Variants in FOXP2 observed in about 807,000 individuals in gnomAD.
FOXP2 encodes forkhead box P2.
In FOXP2, 12 loss-of-function variants were observed where a neutral mutation model predicts 115.8. That is an observed-to-expected ratio of 0.10 (90% CI 0.07 to 0.17). The LOEUF (loss-of-function observed/expected upper bound fraction) is 0.17, where lower values mean the gene tolerates loss of function less well. FOXP2 is among the 10% of genes least tolerant of loss of function. The probability of loss-of-function intolerance (pLI) is 1.00; values close to 1 mark genes in which losing one functional copy is unlikely to be tolerated. For missense variants in FOXP2, 629 were observed against 843.5 expected (o/e 0.75, Z 3.15); for synonymous variants, 328 against 297.7 (o/e 1.10, Z -1.05).
At chr7:114,460,539 A>C (rs1795519456) in intron 2 of FOXP2, among the ~76,000 whole-genome samples, 1 of 152,238 alleles carries the variant, frequency 6.6e-6, no homozygotes, top group Admixed American at 6.5e-5. Context: ...GAATGTTGAC[A>C]GGGATTCATG....
intron 3 of FOXP2, among the ~76,000 whole-genome samples, chr7:114,607,962 T>C (rs1250004561): frequency 6.6e-6 from 1 of 152,202 alleles, no homozygotes; most frequent in African/African-American, 2.4e-5. Flanking sequence ...TTCCTATAAA[T>C]CAGGTGGGCA....
At chr7:114,323,364 GT>G (rs1197268626) in intron 2 of FOXP2, among the ~76,000 whole-genome samples, 3 of 152,080 alleles carry the variant, frequency 2.0e-5, no homozygotes, top group Non-Finnish European at 4.4e-5. Context: ...TTTCTCATTG[GT>G]TTTATGCAAA....
chr7:114,673,071 C>T (rs547828348), intron 16 of FOXP2, among the ~76,000 whole-genome samples: 6 of 152,156 alleles, frequency 3.9e-5, no homozygotes, highest in South Asian at 2.1e-4. Flanking sequence ...GATTTTTGAC[C>T]GAAACTTGGT....
In FOXP2 at chr7:114,363,997, C is replaced by T. The variant is rs1297542517; in HGVS notation, c.-10-62505C>T. On this transcript the variant is annotated intron_variant, in intron 2 of 17. Coordinates refer to the FOXP2 transcript ENST00000634411. ...AAGTCCTTCTTTTTAAGAGGAATTT[C>T]ATTTTAAAGTTGACTTAAATCAACT... Among the ~76,000 whole-genome samples, 3 of 152,076 alleles carry T rather than the reference C, an allele frequency of 2.0e-5. No homozygotes were observed. In the East Asian group the frequency reaches 5.8e-4, roughly 29 times the overall value.
chr7:114,311,328 G>A (rs769416501), intron 2 of FOXP2, among the ~76,000 whole-genome samples: 11 of 152,108 alleles, frequency 7.2e-5, no homozygotes, highest in African/African-American at 2.4e-4. Flanking sequence ...TTCCATAACT[G>A]TTTCCTGCTG....
chr7:114,603,246 A>G (rs1395792710), intron 3 of FOXP2, among the ~76,000 whole-genome samples: 1 of 152,198 alleles, frequency 6.6e-6, no homozygotes, highest in Non-Finnish European at 1.5e-5. Context: ...ACCCACTATC[A>G]TAAAACCAAA....
In FOXP2 at chr7:114,238,781, C is replaced by A. The variant is rs561867394; in HGVS notation, c.-101-49238C>A. The stretch of plus-strand genomic sequence containing the variant: ...AGCTAGACTCTATCTGGGAAAAAAA[C>A]CAAAAAAACAAAAAACAAACTACAG... On this transcript the variant is annotated intron_variant, in intron 1 of 17. Coordinates refer to the FOXP2 transcript ENST00000634411. 6.7e-3 allele frequency among the ~76,000 whole-genome samples: 966 copies of A among 143,348 alleles called. 13 individuals carry two copies. Among genetic ancestry groups the A allele is most frequent in the African/African-American group, 0.023 (926 of 40,506 alleles). The allele number at this position is 143,348 out of a possible 152,430, so 94.0% of individuals were successfully genotyped here.
At chr7:114,611,857 C>T (rs116903697) in intron 3 of FOXP2, among the ~76,000 whole-genome samples, 180 of 152,040 alleles carry the variant, frequency 1.2e-3, no homozygotes, top group Admixed American at 1.9e-3. Flanking sequence ...ATGCTGCCTT[C>T]ATGGGTAAAG....
At chr7:114,585,669 A>G (rs1802097526) in intron 3 of FOXP2, among the ~76,000 whole-genome samples, 1 of 151,960 alleles carries the variant, frequency 6.6e-6, no homozygotes, top group Non-Finnish European at 1.5e-5. Context: ...GTTAAAGACC[A>G]GCCTGGCCAA....
chr7:114,622,567 T>C (rs1804311676), intron 3 of FOXP2, among the ~76,000 whole-genome samples: 1 of 151,934 alleles, frequency 6.6e-6, no homozygotes, highest in African/African-American at 2.4e-5. Context: ...TTTCTGACTC[T>C]TTGTTTTGGA....
intron 3 of FOXP2, among the ~76,000 whole-genome samples, chr7:114,578,071 TG>T (rs1402662907): frequency 6.6e-6 from 1 of 152,026 alleles, no homozygotes; most frequent in East Asian, 1.9e-4. Flanking sequence ...GAACATTTTC[TG>T]GTGCATAGAT....
intron 3 of FOXP2, among the ~76,000 whole-genome samples, chr7:114,541,751 G>A (rs968055585): frequency 6.6e-6 from 1 of 150,944 alleles, no homozygotes; most frequent in East Asian, 1.9e-4. Flanking sequence ...TTGCTATCTA[G>A]GAGGCCAAAT....
At chr7:114,160,405 T>G (rs1364971673), upstream of FOXP2, among the ~76,000 whole-genome samples, 1 of 152,112 alleles carries the variant, frequency 6.6e-6, no homozygotes, top group Non-Finnish European at 1.5e-5. Flanking sequence ...ATGACTAGTT[T>G]TAGTTGACAA....
chr7:114,088,375 G>C (rs1799469736), intron 1 of FOXP2: 1 of 152,236 alleles, frequency 6.6e-6, no homozygotes, highest in Non-Finnish European at 1.5e-5. Context: ...TGCTTAAAGA[G>C]CTACCTCCCA....
At chr7:114,398,274 C>T (rs2129195910) in intron 2 of FOXP2, among the ~76,000 whole-genome samples, 1 of 151,612 alleles carries the variant, frequency 6.6e-6, no homozygotes, top group South Asian at 2.1e-4. Context: ...TAAAATATAA[C>T]CAAAATTATG....
At chr7:114,137,963 C>A (rs1792087563) in intron 1 of FOXP2, among the ~76,000 whole-genome samples, 2 of 152,008 alleles carry the variant, frequency 1.3e-5, no homozygotes, top group African/African-American at 4.8e-5. Flanking sequence ...AACAGGGATC[C>A]TTAGAGAAAT....
upstream of FOXP2, among the ~76,000 whole-genome samples, chr7:114,086,915 T>C (rs1417602919): frequency 6.6e-6 from 1 of 152,146 alleles, no homozygotes; most frequent in Non-Finnish European, 1.5e-5. Context: ...TCACGGATGA[T>C]TTTTAGTTTG....
intron 1 of FOXP2, among the ~76,000 whole-genome samples, chr7:114,136,373 C>G (rs181160169): frequency 1.2e-3 from 190 of 152,082 alleles, no homozygotes; most frequent in African/African-American, 4.5e-3. Context: ...TAAATGGTCT[C>G]AATTTTTGGC....
chr7:114,542,082 T>G (rs139371298), intron 3 of FOXP2, among the ~76,000 whole-genome samples: 2 of 152,218 alleles, frequency 1.3e-5, no homozygotes, highest in African/African-American at 4.8e-5. Flanking sequence ...GGATTCTATT[T>G]ATATATTTCT....
Sources: allele counts gnomAD v4.1 joint callset (sites outside exome capture counted in the v4.1 genomes callset), GRCh38; gene constraint gnomAD v4.1.1; transcripts MANE v1.5; gene names NCBI Gene and HGNC (gene_info 2026-07-23, HGNC 2026-07-21).